Variants in ANKRD35 observed in about 807,000 individuals in gnomAD.
The protein encoded by ANKRD35 is ankyrin repeat domain-containing protein 35.
A neutral mutation model predicts 109.9 loss-of-function variants in ANKRD35; 102 were observed. The observed-to-expected ratio is 0.93, with a 90% CI of 0.79 to 1.09. The LOEUF (loss-of-function observed/expected upper bound fraction) is 1.09. Ranked by LOEUF, ANKRD35 falls within the 50% of genes least tolerant of loss-of-function variation. The pLI is 0.00. For missense variants in ANKRD35, 1,240 were observed against 1,230.1 expected (o/e 1.01, Z -0.12); for synonymous variants, 515 against 512.4 (o/e 1.01, Z -0.07).
At position 145,879,372 on chromosome 1, in the gene ANKRD35, C is replaced by T. The variant is rs587655176; in HGVS notation, c.56G>A (p.Arg19His). 1.8e-5 allele frequency: 28 copies of T among 1,584,932 alleles called. No individual in the cohort carries two copies. Among genetic ancestry groups the T allele is most frequent in the South Asian group, 8.0e-5 (7 of 86,980 alleles). Residue 19 changes from arginine (R) to histidine (H), a missense_variant, in exon 2 of 14, where the codon CGC becomes CAC. Coordinates refer to ENST00000355594, the MANE Select transcript of ANKRD35 (RefSeq NM_144698.5). ...STQVAVERWN[R>H]HDQKLLEAVH... ...TGCCTCCAGCAGCTTCTGATCATGG[C>T]GGTTCCATCTCTCCACCTGGTCCAG...
intron 8 of ANKRD35, among the ~76,000 whole-genome samples, 197 bp downstream of exon 8, chr1:145,874,625 G>A (rs781979464): frequency 6.6e-6 from 1 of 152,180 alleles, no homozygotes; most frequent in African/African-American, 2.4e-5. Flanking sequence ...TGAGAGACCA[G>A]GCTGCATTAA....
rs1553739784 is a variant in ANKRD35 at position 145,874,950 on chromosome 1, A to G, written c.617T>C (p.Leu206Pro). 1 of 1,613,324 alleles carries G rather than the reference A, an allele frequency of 6.2e-7. No homozygotes were observed. Among genetic ancestry groups the G allele is most frequent in the South Asian group, 1.1e-5 (1 of 90,834 alleles). ...KGSAEVAELLLSHGADAGAVD... is the reference protein window; with the variant it reads ...KGSAEVAELLPSHGADAGAVD... ...AGCCCCCGCGTCAGCTCCGTGGCTC[A>G]GGAGCAGTTCAGCCACCTCGGCACT... The change falls in exon 8 of 14, where the codon CTG becomes CCG. Residue 206 changes from leucine (L) to proline (P), a missense_variant. Coordinates refer to ENST00000355594, the MANE Select transcript of ANKRD35 (RefSeq NM_144698.5).
chr1:145,885,475 T>C (rs1654443820), intron 1 of ANKRD35, among the ~76,000 whole-genome samples: 1 of 151,236 alleles, frequency 6.6e-6, no homozygotes, highest in Non-Finnish European at 1.5e-5. Context: ...GGGGTGTAGA[T>C]GCTAGGAGGA....
chr1:145,881,078 G>C (rs902117304), intron 1 of ANKRD35, among the ~76,000 whole-genome samples: 1 of 152,200 alleles, frequency 6.6e-6, no homozygotes, highest in African/African-American at 2.4e-5. Flanking sequence ...CTGAGGTCAG[G>C]AGTTCAAGAC....
rs1553739116 is a variant in ANKRD35, at chr1:145,872,823, C to T, written c.1946G>A (p.Ser649Asn). 1.1e-5 allele frequency: 17 copies of T among 1,613,930 alleles called. No individual in the cohort carries two copies. The highest frequency in any genetic ancestry group is 2.7e-5 in the African/African-American group (2 of 74,932). ...CACAAACTCCCGCTGCAGCCGCTGG[C>T]TCAGGGACTGTAGCTCCCTCTGCAA... ...QRLQRELQSLSQRLQREFVPK... is the reference protein window; with the variant it reads ...QRLQRELQSLNQRLQREFVPK... The change falls in exon 10 of 14, where the codon AGC becomes AAC. Residue 649 changes from serine (S) to asparagine (N), a missense_variant. Coordinates refer to ENST00000355594, the MANE Select transcript of ANKRD35 (RefSeq NM_144698.5).
intron 1 of ANKRD35, among the ~76,000 whole-genome samples, chr1:145,882,248 C>T (rs1402446943): frequency 6.6e-6 from 1 of 150,860 alleles, no homozygotes; most frequent in African/African-American, 2.4e-5. Context: ...GCCACCGCGC[C>T]TGGCCCTTTC....
At position 145,872,619 on chromosome 1, in the gene ANKRD35, C is replaced by T. The variant is rs1287637128; in HGVS notation, c.2150G>A (p.Ser717Asn). 3.7e-6 allele frequency: 6 copies of T among 1,613,864 alleles called. No individual in the cohort carries two copies. Among genetic ancestry groups the T allele is most frequent in the Non-Finnish European group, 4.2e-6 (5 of 1,179,956 alleles). The change falls in exon 10 of 14, where the codon AGT becomes AAT. Residue 717 changes from serine to asparagine, a missense_variant. Transcript: ENST00000355594. ...CLPADLVGER[S>N]AQSKAAESLE... ...GGACTCCGCTGCTTTGCTTTGTGCACTCCTCTCGCCCACTAGGTCTGCGGG... is the reference window on the plus strand; with the variant it reads ...GGACTCCGCTGCTTTGCTTTGTGCATTCCTCTCGCCCACTAGGTCTGCGGG...
In ANKRD35 at chr1:145,876,205, G is replaced by A. The variant is rs34180444; in HGVS notation, c.495C>T (p.His165=). 6.4e-4 allele frequency: 1,031 copies of A among 1,614,018 alleles called. 1 individual carries two copies. The African/African-American group carries it at 9.6e-3, about 15-fold the overall frequency. The change falls in exon 7 of 14, where the codon CAC becomes CAT. Residue 165 remains histidine (H), a synonymous_variant. Coordinates refer to ENST00000355594, the MANE Select transcript of ANKRD35 (RefSeq NM_144698.5). ...GCAGCAGCTGTGAGCAGATAGCTGC[G>A]TGCCCACCCAGCGATGCGATCATCA... ...TPLMIASLGG[H]AAICSQLLQR...
At position 145,872,956 on chromosome 1, in the gene ANKRD35, G is replaced by A; in HGVS notation, c.1813C>T (p.Leu605=). 1 of 1,611,052 alleles carries A rather than the reference G, an allele frequency of 6.2e-7. No individual in the cohort carries two copies. The highest frequency in any genetic ancestry group is 1.1e-5 in the South Asian group (1 of 90,728). ...PLGALGGEKA[L]GGLAKGQLEK... ...AGCTGTCCCTTTGCCAGGCCTCCTAGGGCCTTTTCCCCTCCAAGGGCCCCT... is the reference window on the plus strand; with the variant it reads ...AGCTGTCCCTTTGCCAGGCCTCCTAAGGCCTTTTCCCCTCCAAGGGCCCCT... The change falls in exon 10 of 14, where the codon CTA becomes TTA. Residue 605 remains leucine (L), a synonymous_variant. Coordinates refer to ENST00000355594, the MANE Select transcript of ANKRD35 (RefSeq NM_144698.5).
chr1:145,880,561 A>G (rs1007718417), intron 1 of ANKRD35, among the ~76,000 whole-genome samples: 3 of 152,248 alleles, frequency 2.0e-5, no homozygotes, highest in Non-Finnish European at 4.4e-5. Flanking sequence ...GTAAAGAGCC[A>G]TACAAATATA....
intron 10 of ANKRD35, among the ~76,000 whole-genome samples, chr1:145,870,398 C>A (rs1418780793): frequency 6.6e-6 from 1 of 152,062 alleles, no homozygotes; most frequent in Non-Finnish European, 1.5e-5. Context: ...AGCCCCAAAT[C>A]TTTTAAATAA....
rs587715513 is a variant in ANKRD35 at position 145,867,201 on chromosome 1, C to A, written c.*43+86G>T. On this transcript the variant is annotated intron_variant, in intron 13 of 13. Transcript: ENST00000355594. ...TCCCCATTGTCAGCCACCACGGGGG[C>A]AAAAGGGACTAATTTCATTCCATAC... The A allele has an allele frequency of 1.5e-4, 136 of 914,482 alleles. No homozygotes were observed. The South Asian group carries it at 1.6e-3, about 11-fold the overall frequency. 56.6% of individuals were successfully genotyped at this position (914,482 alleles called of 1,614,324 possible).
At chr1:145,871,531 A>G (rs1553738652) in intron 10 of ANKRD35, among the ~76,000 whole-genome samples, 1 of 152,078 alleles carries the variant, frequency 6.6e-6, no homozygotes, top group East Asian at 1.9e-4. Context: ...CCCACCCTGA[A>G]GTGGAGGCGA....
At chr1:145,879,217 G>T in intron 2 of ANKRD35, 41 bp downstream of exon 2, 2 of 1,523,890 alleles carry the variant, frequency 1.3e-6, no homozygotes, top group Non-Finnish European at 1.8e-6. Context: ...GCTTCAAAAG[G>T]GAGCCACATG....
In ANKRD35 at chr1:145,872,185, T is replaced by C. The variant is rs1653852093; in HGVS notation, c.2584A>G (p.Thr862Ala). The change falls in exon 10 of 14, where the codon ACG becomes GCG. Residue 862 changes from threonine to alanine, a missense_variant. Transcript: ENST00000355594. ...ELKALLEKYN[T>A]ACREVGRLRE... ...AGCCGACCCACTTCCCGGCAGGCCGTATTATACTTTTCCAACAGAGCCTTT... is the reference window on the plus strand; with the variant it reads ...AGCCGACCCACTTCCCGGCAGGCCGCATTATACTTTTCCAACAGAGCCTTT... 6.2e-7 allele frequency: 1 copy of C among 1,610,114 alleles called. No homozygotes were observed. The highest frequency in any genetic ancestry group is 1.3e-5 in the African/African-American group (1 of 74,846).
Position 145,871,951 on chromosome 1 carries a change from A to G in ANKRD35, c.2787+31T>C, listed in dbSNP as rs587695815. On this transcript the variant is annotated intron_variant, in intron 10 of 13. Coordinates refer to ENST00000355594, the MANE Select transcript of ANKRD35 (RefSeq NM_144698.5). Reference sequence around the variant, plus strand: ...TCCCAAATACACAGAAACTTTCCCCAGTGCTCCCCAGGGCTACCTCAGCTG... The same window carrying G: ...TCCCAAATACACAGAAACTTTCCCCGGTGCTCCCCAGGGCTACCTCAGCTG... 2.0e-5 allele frequency: 32 copies of G among 1,603,110 alleles called. No homozygotes were observed. In the East Asian group the frequency reaches 3.1e-4, roughly 16 times the overall value.
At chr1:145,881,463 T>A (rs1654283037) in intron 1 of ANKRD35, among the ~76,000 whole-genome samples, 2 of 152,144 alleles carry the variant, frequency 1.3e-5, no homozygotes, top group South Asian at 4.1e-4. Context: ...TCATGGAGTC[T>A]CCAAACAGGT....
At chr1:145,883,966 G>T (rs1259834615) in intron 1 of ANKRD35, among the ~76,000 whole-genome samples, 1 of 152,128 alleles carries the variant, frequency 6.6e-6, no homozygotes, top group African/African-American at 2.4e-5. Context: ...GTTTAGAATG[G>T]GTGGTCATTC....
At position 145,874,834 on chromosome 1, in the gene ANKRD35, G is replaced by A. The variant is rs782145699; in HGVS notation, c.733C>T (p.Arg245Trp). Residue 245 changes from arginine (R) to tryptophan (W), a missense_variant, in exon 8 of 14, where the codon CGG becomes TGG. Arg to Trp is a moderately radical substitution (Grantham distance 101, BLOSUM62 -3). Coordinates refer to ENST00000355594, the MANE Select transcript of ANKRD35 (RefSeq NM_144698.5). ...WRHLQQALSR[R>W]RRGGQRLVQH... ...CAAGGGCCTTTACCGCCCCGCCGCC[G>A]CCGGCTCAGGGCCTGCTGTAGGTGC... The A allele has an allele frequency of 2.1e-5, 34 of 1,588,370 alleles. No individual in the cohort carries two copies. Among genetic ancestry groups the A allele is most frequent in the East Asian group, 1.6e-4 (7 of 43,914 alleles).
Sources: allele counts gnomAD v4.1 joint callset (sites outside exome capture counted in the v4.1 genomes callset), GRCh38; gene constraint gnomAD v4.1.1; transcripts MANE v1.5; gene names NCBI Gene and HGNC (gene_info 2026-07-23, HGNC 2026-07-21).